The following PLXNC1 variants were observed in gnomAD, a reference collection of about 807,000 sequenced individuals.
PLXNC1 encodes plexin C1.
In PLXNC1, 75 loss-of-function variants were observed where a neutral mutation model predicts 178.2. That is an observed-to-expected ratio of 0.42 (90% CI 0.35 to 0.51). The LOEUF (loss-of-function observed/expected upper bound fraction) is 0.51, where lower values mean the gene tolerates loss of function less well. Ranked by LOEUF, PLXNC1 falls within the 20% of genes least tolerant of loss-of-function variation. The pLI is 0.02. For missense variants in PLXNC1, 1,503 were observed against 1,984.4 expected (o/e 0.76, Z 4.61); for synonymous variants, 790 against 779.9 (o/e 1.01, Z -0.22).
chr12:94,243,142 A>C (rs1002695383), intron 11 of PLXNC1, among the ~76,000 whole-genome samples: 1 of 152,238 alleles, frequency 6.6e-6, no homozygotes, highest in Admixed American at 6.5e-5. Flanking sequence ...TGGAGGATTC[A>C]GAGATCAGTG....
Position 94,220,044 on chromosome 12 carries a change from C to T in PLXNC1, c.1583C>T (p.Ser528Phe), listed in dbSNP as rs1963750909. 1 of 1,613,888 alleles carries T rather than the reference C, an allele frequency of 6.2e-7. No homozygotes were observed. Among genetic ancestry groups the T allele is most frequent in the Non-Finnish European group, 8.5e-7 (1 of 1,179,848 alleles). ...ACAGTGACTATGGTGGGAAGCTTCT[C>T]TCCAAGACACTCAAAGTGCATGGTG... ...KTTVTMVGSFSPRHSKCMVKN... is the reference protein window; with the variant it reads ...KTTVTMVGSFFPRHSKCMVKN... Residue 528 changes from serine to phenylalanine, a missense_variant, in exon 6 of 31, where the codon TCT (serine) becomes TTT (phenylalanine). Physicochemically the swap from Ser to Phe is radical, Grantham distance 155. Transcript: ENST00000258526.
In PLXNC1 at chr12:94,254,943, A is replaced by AT. The variant is rs1276564910; in HGVS notation, c.2983+62dup. ...ACAAGCCTTTTATATTTATACTTTT[A>AT]TTTTTTTACCCTTACATAGAGATGG... is the stretch of plus-strand genomic sequence containing the variant. On this transcript the variant is annotated intron_variant, in intron 16 of 30. Coordinates refer to ENST00000258526, the MANE Select transcript of PLXNC1 (RefSeq NM_005761.3). 2.9e-6 allele frequency: 4 copies of AT among 1,376,206 alleles called. No individual in the cohort carries two copies. The East Asian group carries it at 7.3e-5, about 25-fold the overall frequency. The allele number at this position is 1,376,206 out of a possible 1,614,324, so 85.2% of individuals were successfully genotyped here.
chr12:94,165,551 C>G (rs1373093049), intron 1 of PLXNC1, among the ~76,000 whole-genome samples: 2 of 152,222 alleles, frequency 1.3e-5, no homozygotes, highest in Non-Finnish European at 2.9e-5. Flanking sequence ...TGTCCACGTC[C>G]TGGTCCCTGC....
rs765999607 is a variant in PLXNC1 at position 94,307,195 on chromosome 12, G to A, written c.*1910G>A. 4 of 152,202 alleles carry A rather than the reference G, an allele frequency of 2.6e-5. No homozygotes were observed. Among genetic ancestry groups the A allele is most frequent in the Non-Finnish European group, 5.9e-5 (4 of 68,048 alleles). The allele number at this position is 152,202 out of a possible 1,614,324, so 9.4% of individuals were successfully genotyped here. On this transcript the variant is annotated 3_prime_UTR_variant, in exon 31 of 31. Coordinates refer to ENST00000258526, the MANE Select transcript of PLXNC1 (RefSeq NM_005761.3). Reference sequence around the variant, plus strand: ...TACCTCCTCTTCCAGGGACTGTGCTGTTGGGAACTTTGGGCAAGTCACTTA... The same window carrying A: ...TACCTCCTCTTCCAGGGACTGTGCTATTGGGAACTTTGGGCAAGTCACTTA...
At chr12:94,171,381 A>G (rs1961838497) in intron 2 of PLXNC1, among the ~76,000 whole-genome samples, 1 of 152,154 alleles carries the variant, frequency 6.6e-6, no homozygotes, top group Non-Finnish European at 1.5e-5. Context: ...GACTGCTAAC[A>G]TTTACACAGT....
chr12:94,272,978 G>A (rs923072115), intron 21 of PLXNC1, among the ~76,000 whole-genome samples: 7 of 152,142 alleles, frequency 4.6e-5, no homozygotes, highest in Non-Finnish European at 1.0e-4. Flanking sequence ...ACCTTGGCTG[G>A]CCTCTTCGCT....
intron 7 of PLXNC1, among the ~76,000 whole-genome samples, chr12:94,225,749 T>C (rs1385984715): frequency 6.6e-6 from 1 of 152,090 alleles, no homozygotes; most frequent in African/African-American, 2.4e-5. Flanking sequence ...GGAAAGCACT[T>C]AGTACAGTAA....
chr12:94,151,101 C>G (rs1267536960), intron 1 of PLXNC1, among the ~76,000 whole-genome samples: 1 of 151,960 alleles, frequency 6.6e-6, no homozygotes, highest in Non-Finnish European at 1.5e-5. Context: ...TATAACTGGA[C>G]AAAAATCAAA....
At chr12:94,257,976 A>T (rs920458054) in intron 17 of PLXNC1, among the ~76,000 whole-genome samples, 10 of 151,868 alleles carry the variant, frequency 6.6e-5, no homozygotes, top group Non-Finnish European at 8.8e-5. Flanking sequence ...GTGAGCCGAG[A>T]TCACGCCACT....
chr12:94,230,476 C>G (rs1299094235), intron 9 of PLXNC1, among the ~76,000 whole-genome samples: 2 of 152,192 alleles, frequency 1.3e-5, no homozygotes, highest in Non-Finnish European at 2.9e-5. Context: ...AAGCCCAGAT[C>G]TGTTTTTAGT....
chr12:94,222,912 A>G (rs1963835597), intron 6 of PLXNC1, among the ~76,000 whole-genome samples: 1 of 152,300 alleles, frequency 6.6e-6, no homozygotes, highest in Non-Finnish European at 1.5e-5. Context: ...AGAACAGAAG[A>G]TGATCATTTC....
chr12:94,239,182 G>T (rs1214767686), intron 10 of PLXNC1, among the ~76,000 whole-genome samples: 4 of 152,166 alleles, frequency 2.6e-5, no homozygotes, highest in African/African-American at 9.7e-5. Flanking sequence ...ACATCTGTGT[G>T]GTGAAGCCAA....
In PLXNC1 at chr12:94,149,408, C is replaced by A; in HGVS notation, c.437C>A (p.Ser146Tyr). The change falls in exon 1 of 31, where the codon TCC becomes TAC. Residue 146 changes from serine to tyrosine, a missense_variant. Physicochemically the swap from Ser to Tyr is moderately radical, Grantham distance 144. This residue lies in a region of PLXNC1 where 73 missense variants were observed against 125.4 expected (regional missense o/e 0.58). Transcript: ENST00000258526. ...VRPLGNLSRN[S>Y]LRNGTEVVSC... is the part of the protein sequence containing the mutation. ...CCCCTGGGCAACCTGAGCCGCAACT[C>A]CCTGCGCAACGGCACCGAGGTGGTG... 1 of 1,436,508 alleles carries A rather than the reference C, an allele frequency of 7.0e-7. No individual in the cohort carries two copies. Among genetic ancestry groups the A allele is most frequent in the Non-Finnish European group, 9.1e-7 (1 of 1,104,826 alleles). 89.0% of individuals were successfully genotyped at this position (1,436,508 alleles called of 1,614,324 possible). A position where few individuals can be genotyped will look rare whatever the true frequency, so the allele number is the denominator to read the frequency against.
intron 17 of PLXNC1, among the ~76,000 whole-genome samples, chr12:94,258,496 C>T (rs1964915777): frequency 6.6e-6 from 1 of 152,192 alleles, no homozygotes; most frequent in African/African-American, 2.4e-5. Flanking sequence ...AGTTTAGAGT[C>T]TCATTCTGTG....
intron 18 of PLXNC1, 93 bp from the exon 19 acceptor site, chr12:94,259,517 C>A (rs1247662381): frequency 1.7e-6 from 2 of 1,157,206 alleles, no homozygotes; most frequent in Non-Finnish European, 2.4e-6. Flanking sequence ...TTGAATAATT[C>A]ATTGTCTTGG....
rs372316909 is a variant in PLXNC1 at position 94,224,202 on chromosome 12, A to T, written c.1703-26A>T. 1.4e-4 allele frequency: 192 copies of T among 1,378,296 alleles called. No homozygotes were observed. The African/African-American group carries it at 2.4e-3, about 17-fold the overall frequency. The allele number at this position is 1,378,296 out of a possible 1,614,324, so 85.4% of individuals were successfully genotyped here. ...TGACTATAGCAGGACTCCACCGTAAATGACATTTTCCCCCCTTCCCTCCAG... is the reference window on the plus strand; with the variant it reads ...TGACTATAGCAGGACTCCACCGTAATTGACATTTTCCCCCCTTCCCTCCAG... On this transcript the variant is annotated intron_variant, in intron 6 of 30. Transcript: ENST00000258526.
intron 1 of PLXNC1, among the ~76,000 whole-genome samples, chr12:94,157,052 G>T (rs1413022312): frequency 2.6e-5 from 4 of 152,140 alleles, no homozygotes; most frequent in Admixed American, 6.5e-5. Flanking sequence ...CTACTAACTG[G>T]CAATGACTTT....
In PLXNC1 at chr12:94,251,881, A is replaced by G. The variant is rs187312741; in HGVS notation, c.2881+353A>G. Among the ~76,000 whole-genome samples the G allele has an allele frequency of 8.5e-5, 13 of 152,232 alleles. No individual in the cohort carries two copies. In the East Asian group the frequency reaches 2.5e-3, roughly 29 times the overall value. ...ATGGCAGGTGCCTGTAATCCCAGCTACTCAGGAGACTGAGGTAGGAAGAAT... is the reference window on the plus strand; with the variant it reads ...ATGGCAGGTGCCTGTAATCCCAGCTGCTCAGGAGACTGAGGTAGGAAGAAT... On this transcript the variant is annotated intron_variant, in intron 15 of 30. Coordinates refer to ENST00000258526, the MANE Select transcript of PLXNC1 (RefSeq NM_005761.3).
In PLXNC1 at chr12:94,280,368, A is replaced by T. The variant is rs577191364; in HGVS notation, c.3775+719A>T. ...TGAAGAATAGAATCATGGTGGTGAC[A>T]GACAGTGTAACGAGGTTCACTTCCC... On this transcript the variant is annotated intron_variant, in intron 22 of 30. Transcript: ENST00000258526. Among the ~76,000 whole-genome samples, 3 of 152,350 alleles carry T rather than the reference A, an allele frequency of 2.0e-5. No individual in the cohort carries two copies. The East Asian group carries it at 5.8e-4, about 29-fold the overall frequency.
Sources: allele counts gnomAD v4.1 joint callset (sites outside exome capture counted in the v4.1 genomes callset), GRCh38; gene constraint gnomAD v4.1.1; regional missense constraint gnomAD v4.1.1; transcripts MANE v1.5; gene names NCBI Gene and HGNC (gene_info 2026-07-23, HGNC 2026-07-21).